Variants in HPSE2 observed in about 807,000 individuals in gnomAD.
The protein encoded by HPSE2 is inactive heparanase-2.
Under a neutral mutation model 60.5 loss-of-function variants are expected in HPSE2, and 38 were observed. The ratio of observed to expected loss-of-function variants is 0.63; its 90% CI spans 0.48 to 0.82. The LOEUF (loss-of-function observed/expected upper bound fraction) is 0.82, where lower values mean the gene tolerates loss of function less well. HPSE2 is among the 40% of genes least tolerant of loss of function. HPSE2 has a pLI of 0.00. For missense variants in HPSE2, 713 were observed against 740.4 expected (o/e 0.96, Z 0.43); for synonymous variants, 295 against 293.2 (o/e 1.01, Z -0.06).
At chr10:98,617,309 G>A (rs1333092690) in intron 8 of HPSE2, among the ~76,000 whole-genome samples, 1 of 152,162 alleles carries the variant, frequency 6.6e-6, no homozygotes, top group African/African-American at 2.4e-5. Context: ...AAACGCTTGT[G>A]TGACCATGTA....
chr10:98,459,811 C>G, intron 11 of HPSE2, 72 bp from the exon 12 acceptor site: 4 of 1,447,754 alleles, frequency 2.8e-6, no homozygotes, highest in Non-Finnish European at 3.8e-6. Context: ...AGCCTAGCCC[C>G]AGATGGCCTG....
chr10:99,263,012 G>A, the HPSE2 span, among the ~76,000 whole-genome samples: 1 of 152,140 alleles, frequency 6.6e-6, no homozygotes, highest in Non-Finnish European at 1.5e-5. Flanking sequence ...AGCCAGGACC[G>A]TGCCCTGTAG....
At chr10:99,069,607 TAC>T (rs1345332522) in intron 3 of HPSE2, among the ~76,000 whole-genome samples, 1 of 151,004 alleles carries the variant, frequency 6.6e-6, no homozygotes, top group African/African-American at 2.4e-5. Context: ...ACACGCTCAC[TAC>T]AGTTAGAGCT....
rs560490330 is a variant in HPSE2, at chr10:99,027,270, T to TA, written c.610+116967dup. 0.013 allele frequency among the ~76,000 whole-genome samples: 1,679 copies of TA among 128,408 alleles called. 38 individuals are homozygous for TA. In the East Asian group the frequency reaches 0.13, roughly 10 times the overall value. 84.2% of individuals were successfully genotyped at this position (128,408 alleles called of 152,430 possible). A position where few individuals can be genotyped will look rare whatever the true frequency, so the allele number is the denominator to read the frequency against. On this transcript the variant is annotated intron_variant, in intron 3 of 11. Coordinates refer to ENST00000370552, the MANE Select transcript of HPSE2 (RefSeq NM_021828.5). ...AGATCCAAATAAAGAAAATCAGAAATAAAAAAAAAAAAGACATTACAAGTG... is the reference window on the plus strand; with the variant it reads ...AGATCCAAATAAAGAAAATCAGAAATAAAAAAAAAAAAAGACATTACAAGTG...
chr10:98,800,690 C>A (rs1950885957), intron 3 of HPSE2, among the ~76,000 whole-genome samples: 1 of 151,760 alleles, frequency 6.6e-6, no homozygotes, highest in African/African-American at 2.4e-5. Flanking sequence ...AATCCAAAAT[C>A]TGAACAGAAA....
chr10:98,876,932 A>C lies in HPSE2; in HGVS notation c.611-132876T>G, dbSNP rs567892115. Among the ~76,000 whole-genome samples, 9 of 152,024 alleles carry C rather than the reference A, an allele frequency of 5.9e-5. 1 individual carries two copies. The East Asian group carries it at 1.7e-3, about 29-fold the overall frequency. ...ATTTACCTGAATCTCATTACTTAAT[A>C]TCCTGTACATATGTCTTCACTGAGC... is the stretch of plus-strand genomic sequence containing the variant. On this transcript the variant is annotated intron_variant, in intron 3 of 11. Coordinates refer to ENST00000370552, the MANE Select transcript of HPSE2 (RefSeq NM_021828.5).
chr10:99,069,636 C>T (rs1564781978), intron 3 of HPSE2, among the ~76,000 whole-genome samples: 1 of 150,926 alleles, frequency 6.6e-6, no homozygotes, highest in African/African-American at 2.4e-5. Context: ...TACTAATACT[C>T]AATCTTCTTC....
intron 6 of HPSE2, among the ~76,000 whole-genome samples, chr10:98,662,121 C>T (rs528522381): frequency 3.3e-5 from 5 of 152,264 alleles, no homozygotes; most frequent in Non-Finnish European, 5.9e-5. Context: ...TCTCGATCTC[C>T]TGACCTCATG....
the HPSE2 span, among the ~76,000 whole-genome samples, chr10:99,291,678 T>G: frequency 6.6e-6 from 1 of 152,024 alleles, no homozygotes; most frequent in Non-Finnish European, 1.5e-5. Context: ...TTCTTTCTGA[T>G]GAAGATCCAT....
rs779570747 is a variant in HPSE2 at position 98,620,631 on chromosome 10, ATTGT to A, written c.1172_1175del (p.Asn391IlefsTer13). 5 of 1,614,088 alleles carry A rather than the reference ATTGT, an allele frequency of 3.1e-6. No individual in the cohort carries two copies. Among genetic ancestry groups the A allele is most frequent in the Middle Eastern group, 1.6e-4 (1 of 6,062 alleles). ...ATCCTGCAGCATAGGAATCGGATAGATTGTTTGTGCCTCCAGCTGAGGTGGTCAC... is the reference window on the plus strand; with the variant it reads ...ATCCTGCAGCATAGGAATCGGATAGATTGTGCCTCCAGCTGAGGTGGTCAC... On this transcript the variant is annotated frameshift_variant, in exon 8 of 12. Coordinates refer to ENST00000370552, the MANE Select transcript of HPSE2 (RefSeq NM_021828.5). LOFTEE classifies it high-confidence loss of function.
intron 3 of HPSE2, among the ~76,000 whole-genome samples, chr10:98,842,886 C>A (rs1951949575): frequency 6.6e-6 from 1 of 151,858 alleles, no homozygotes; most frequent in Non-Finnish European, 1.5e-5. Context: ...CCCTTGGCAA[C>A]CACTGTCTTT....
intron 3 of HPSE2, among the ~76,000 whole-genome samples, chr10:99,044,952 A>T (rs1353296427): frequency 2.0e-5 from 3 of 152,162 alleles, no homozygotes; most frequent in African/African-American, 7.2e-5. Context: ...AGCATTAGAC[A>T]GATCAAGGCA....
the HPSE2 span, among the ~76,000 whole-genome samples, chr10:99,254,248 C>T: frequency 4.6e-5 from 7 of 152,070 alleles, no homozygotes; most frequent in African/African-American, 1.4e-4. Context: ...AAAACAAAAT[C>T]ACATCCATTG....
intron 3 of HPSE2, among the ~76,000 whole-genome samples, chr10:99,116,891 A>G (rs977770751): frequency 1.3e-5 from 2 of 152,070 alleles, no homozygotes; most frequent in Admixed American, 1.3e-4. Context: ...AAAGTACAAT[A>G]CCCCCAAATA....
Position 98,914,032 on chromosome 10 carries a change from A to C in HPSE2, c.611-169976T>G, listed in dbSNP as rs1441129770. Among the ~76,000 whole-genome samples the C allele has an allele frequency of 2.0e-5, 3 of 152,164 alleles. No individual in the cohort carries two copies. The East Asian group carries it at 5.8e-4, about 29-fold the overall frequency. ...GTACTATTCCTTCAACAAAAATAAG[A>C]GGTTGATATGGTTTGGCTGTGCCCC... On this transcript the variant is annotated intron_variant, in intron 3 of 11. Transcript: ENST00000370552.
intron 3 of HPSE2, among the ~76,000 whole-genome samples, chr10:98,803,204 G>T (rs1476199725): frequency 2.0e-5 from 3 of 151,020 alleles, no homozygotes; most frequent in East Asian, 2.0e-4. Flanking sequence ...TGAGTTCATT[G>T]TAGATTCTGG....
At position 98,960,715 on chromosome 10, in the gene HPSE2, TTTTTTG is replaced by T. The variant is rs1375332634; in HGVS notation, c.610+183517_610+183522del. ...TATGTACATTTCTTTTTTTTTTTTT[TTTTTTG>T]TTTTATTTTTTTTATTTTATTTTTT... On this transcript the variant is annotated intron_variant, in intron 3 of 11. Transcript: ENST00000370552. 2.9e-3 allele frequency among the ~76,000 whole-genome samples: 148 copies of T among 50,888 alleles called. 2 individuals are homozygous for T. The highest frequency in any genetic ancestry group is 0.015 in the Middle Eastern group (2 of 132). 33.4% of individuals were successfully genotyped at this position (50,888 alleles called of 152,430 possible).
chr10:98,789,152 C>T (rs1188491317), intron 3 of HPSE2, among the ~76,000 whole-genome samples: 1 of 152,154 alleles, frequency 6.6e-6, no homozygotes, highest in African/African-American at 2.4e-5. Flanking sequence ...GGGCTTGGAA[C>T]ATGGCAGACA....
In HPSE2 at chr10:98,676,490, C is replaced by T. The variant is rs574137571; in HGVS notation, c.1004+17410G>A. Among the ~76,000 whole-genome samples the T allele has an allele frequency of 2.6e-5, 4 of 152,298 alleles. No individual in the cohort carries two copies. In the East Asian group the frequency reaches 7.7e-4, roughly 29 times the overall value. ...AAAGAATCATTACAATTTCTTAAGG[C>T]CACTACCTTAGTCAGTGAGCCAGAA... On this transcript the variant is annotated intron_variant, in intron 6 of 11. Transcript: ENST00000370552.
Sources: allele counts gnomAD v4.1 joint callset (sites outside exome capture counted in the v4.1 genomes callset), GRCh38; gene constraint gnomAD v4.1.1; transcripts MANE v1.5; gene names NCBI Gene and HGNC (gene_info 2026-07-23, HGNC 2026-07-21).